The following DNAH17 variants were observed in gnomAD, a reference collection of about 807,000 sequenced individuals.
The protein encoded by DNAH17 is dynein axonemal heavy chain 17.
In DNAH17, 376 loss-of-function variants were observed where a neutral mutation model predicts 485.6. The observed-to-expected ratio is 0.77, with a 90% CI of 0.71 to 0.84. DNAH17 has a LOEUF of 0.84. Among genes scored for constraint, DNAH17 ranks in the 40% least tolerant of loss-of-function variants. The pLI is 0.00. For synonymous variants in DNAH17, 3,031 were observed against 2,405.9 expected (o/e 1.26, Z -7.60); for missense variants, 6,370 against 5,839.3 (o/e 1.09, Z -2.96).
At chr17:78,483,994 G>T (rs151287459) in intron 48 of DNAH17, among the ~76,000 whole-genome samples, 1 of 148,946 alleles carries the variant, frequency 6.7e-6, no homozygotes, top group Non-Finnish European at 1.5e-5. Context: ...TACTCAGGAG[G>T]CTGAGGAAGG....
intron 19 of DNAH17, among the ~76,000 whole-genome samples, chr17:78,533,878 G>C (rs1478652384): frequency 1.3e-5 from 2 of 151,992 alleles, no homozygotes; most frequent in Non-Finnish European, 2.9e-5. Context: ...TAGAGGCGGG[G>C]TTTCACCGTG....
chr17:78,438,432 A>AGGAGGAGGAGGAGGAG (rs1439053002), intron 73 of DNAH17, among the ~76,000 whole-genome samples: 2 of 50,742 alleles, frequency 3.9e-5, no homozygotes, highest in East Asian at 6.4e-4. Flanking sequence ...GAGAAGGAGG[A>AGGAGGAGGAGGAGGAG]GGAGGAGGAG....
At chr17:78,456,738 A>G (rs1285171076) in intron 62 of DNAH17, among the ~76,000 whole-genome samples, 1 of 152,142 alleles carries the variant, frequency 6.6e-6, no homozygotes, top group African/African-American at 2.4e-5. Flanking sequence ...GCACCATCTG[A>G]GCAGCCCTTA....
chr17:78,535,131 T>G (rs577031345), intron 19 of DNAH17, among the ~76,000 whole-genome samples: 2 of 152,302 alleles, frequency 1.3e-5, no homozygotes, highest in African/African-American at 4.8e-5. Flanking sequence ...CCTGAGTGTT[T>G]GTGCTGGCAG....
chr17:78,431,106 T>C (rs950118940), intron 75 of DNAH17, among the ~76,000 whole-genome samples: 3 of 152,204 alleles, frequency 2.0e-5, no homozygotes, highest in Non-Finnish European at 4.4e-5. Context: ...CTTGAACTCC[T>C]GGGCTCAAGC....
At chr17:78,475,017 T>G (rs1048242321) in intron 54 of DNAH17, among the ~76,000 whole-genome samples, 2 of 141,062 alleles carry the variant, frequency 1.4e-5, no homozygotes, top group Non-Finnish European at 3.1e-5. Context: ...ACATGCACAC[T>G]GGCTGGAAGG....
intron 75 of DNAH17, 119 bp from the exon 76 acceptor site, chr17:78,429,419 G>A (rs1014003578): frequency 1.6e-5 from 18 of 1,137,532 alleles, no homozygotes; most frequent in African/African-American, 1.2e-4. Flanking sequence ...TGTCCTTCTC[G>A]CCCTCCAGGT....
chr17:78,500,543 CTG>C, intron 35 of DNAH17, 82 bp from the exon 36 acceptor site: 1 of 1,378,738 alleles, frequency 7.3e-7, no homozygotes, highest in East Asian at 2.6e-5. Flanking sequence ...GAGTCTCACT[CTG>C]TCACCCAGGC....
intron 60 of DNAH17, 62 bp downstream of exon 60, chr17:78,459,722 G>A (rs1003948549): frequency 3.2e-5 from 51 of 1,582,062 alleles, no homozygotes; most frequent in Admixed American, 1.2e-4. Flanking sequence ...CCTCAGCATC[G>A]TGCCTTGGCC....
Position 78,486,488 on chromosome 17 carries a change from G to A in DNAH17, c.6837C>T (p.Ile2279=), listed in dbSNP as rs761949105. 24 of 1,608,662 alleles carry A rather than the reference G, an allele frequency of 1.5e-5. No individual in the cohort carries two copies. The highest frequency in any genetic ancestry group is 1.5e-4 in the African/African-American group (11 of 74,912). The change falls in exon 45 of 81, where the codon ATC becomes ATT. Residue 2279 remains isoleucine, a synonymous_variant. Transcript: ENST00000389840. ...TCTCCGACTGCACCTTGCGCCTCTC[G>A]ATCCAGCTGCTCACCACCCTGGGGG... ...LGWNPVVSSW[I]ERRKVQSEKA... is the part of the protein sequence containing the mutation.
At chr17:78,576,284 AAC>A (rs2092431424) in intron 1 of DNAH17, among the ~76,000 whole-genome samples, 2 of 152,196 alleles carry the variant, frequency 1.3e-5, no homozygotes, top group South Asian at 4.1e-4. Context: ...TCGGCAAAAC[AAC>A]TATATGATGG....
chr17:78,455,059 G>C (rs550544505), intron 63 of DNAH17, among the ~76,000 whole-genome samples: 1 of 152,038 alleles, frequency 6.6e-6, no homozygotes. Flanking sequence ...ACAGGTGCCC[G>C]CCACCATGCC....
intron 51 of DNAH17, among the ~76,000 whole-genome samples, chr17:78,478,223 A>AT (rs2089167642): frequency 2.1e-5 from 3 of 145,594 alleles, no homozygotes; most frequent in African/African-American, 7.9e-5. Flanking sequence ...CATCATCACC[A>AT]CATCACCATC....
At chr17:78,530,241 C>A (rs2091194490) in intron 21 of DNAH17, 102 bp downstream of exon 21, 12 of 1,377,304 alleles carry the variant, frequency 8.7e-6, no homozygotes, top group Non-Finnish European at 1.1e-5. Context: ...CCCTGCTACC[C>A]CAGAGGAGGC....
chr17:78,466,386 T>C (rs1276488783), intron 56 of DNAH17, among the ~76,000 whole-genome samples: 1 of 152,104 alleles, frequency 6.6e-6, no homozygotes, highest in Non-Finnish European at 1.5e-5. Flanking sequence ...ACTATTGTCC[T>C]ATGACCCTGC....
In DNAH17 at chr17:78,574,673, T is replaced by C. The variant is rs371610426; in HGVS notation, c.345+40A>G. ...CTCAAGGCCGCTCCCGAGAAGTCGG[T>C]CGTGCTCGACACCCCGGATGGCAGC... On this transcript the variant is annotated intron_variant, in intron 2 of 80. Coordinates refer to ENST00000389840, the MANE Select transcript of DNAH17 (RefSeq NM_173628.4). 3.0e-4 allele frequency: 455 copies of C among 1,539,644 alleles called. 2 individuals are homozygous for C. The African/African-American group carries it at 5.4e-3, about 18-fold the overall frequency.
In DNAH17 at chr17:78,526,869, A is replaced by G. The variant is rs2091092794; in HGVS notation, c.3624+11T>C. ...CCCGGAAATCCCGCCACCCTGCCCC[A>G]GGTATAATACCTCGAATTGCTGGCA... On this transcript the variant is annotated intron_variant, in intron 23 of 80. Coordinates refer to ENST00000389840, the MANE Select transcript of DNAH17 (RefSeq NM_173628.4). The G allele has an allele frequency of 6.4e-7, 1 of 1,565,442 alleles. No homozygotes were observed. Among genetic ancestry groups the G allele is most frequent in the Non-Finnish European group, 8.7e-7 (1 of 1,153,912 alleles).
At chr17:78,541,374 T>C (rs1054852627) in intron 17 of DNAH17, among the ~76,000 whole-genome samples, 1 of 147,242 alleles carries the variant, frequency 6.8e-6, no homozygotes, top group Non-Finnish European at 1.5e-5. Context: ...GGTAGATGTG[T>C]AAGTGGATGG....
intron 64 of DNAH17, 143 bp downstream of exon 64, chr17:78,454,327 T>C (rs2087692718): frequency 1.6e-6 from 1 of 635,280 alleles, no homozygotes; most frequent in East Asian, 2.7e-5. Flanking sequence ...TTACTACTGC[T>C]GCTGTTCCCC....
Sources: allele counts gnomAD v4.1 joint callset (sites outside exome capture counted in the v4.1 genomes callset), GRCh38; gene constraint gnomAD v4.1.1; transcripts MANE v1.5; gene names NCBI Gene and HGNC (gene_info 2026-07-23, HGNC 2026-07-21).